STS: variants seen among roughly 807,000 people sequenced by gnomAD.
STS encodes steryl-sulfatase.
STS carries 7 observed loss-of-function variants against 26.8 expected under a neutral mutation model. That is an observed-to-expected ratio of 0.26 (90% confidence interval 0.15 to 0.49). STS has a LOEUF of 0.49. Among genes scored for constraint, STS ranks in the 20% least tolerant of loss-of-function variants. STS has a pLI of 0.98. For missense variants in STS, 434 were observed against 465.6 expected, an observed-to-expected ratio of 0.93 and a Z score of 0.63; for synonymous variants, 199 against 189.4, an observed-to-expected ratio of 1.05 and a Z score of -0.42.
chrX:7,193,197 C>T (rs952625705), intron 2 of STS, among the ~76,000 whole-genome samples: 9 of 112,299 alleles, frequency 8.0e-5, no homozygotes, highest in East Asian at 2.8e-4. Flanking sequence ...ATTCATTTTC[C>T]ATTGTGATTT....
chrX:7,259,776 G>A lies in STS; in HGVS notation c.806+4G>A. 1 of 1,209,289 alleles carries A rather than the reference G, an allele frequency of 8.3e-7. No homozygotes were observed. Among genetic ancestry groups the A allele is most frequent in the Non-Finnish European group, 1.1e-6 (1 of 895,018 alleles). ...AGGCGGCCCAGTTCATACAGCGGTG[G>A]GTATTGCCTTGTCCTCTGATGCTGC... On this transcript the variant is annotated splice_donor_region_variant and intron_variant, in intron 6 of 10. Transcript: ENST00000674429.
chrX:7,275,520 C>G (rs181514422), intron 6 of STS, among the ~76,000 whole-genome samples: 1 of 111,489 alleles, frequency 9.0e-6, no homozygotes, highest in East Asian at 2.8e-4. Context: ...GTAGTCTTCT[C>G]TAGCAGTGTG....
At chrX:7,282,304 A>T (rs994674829) in intron 7 of STS, among the ~76,000 whole-genome samples, 1 of 111,906 alleles carries the variant, frequency 8.9e-6, no homozygotes, top group Non-Finnish European at 1.9e-5. Flanking sequence ...GGGCTCAAGC[A>T]ATCCTTCCAC....
intron 2 of STS, among the ~76,000 whole-genome samples, chrX:7,219,873 G>A (rs1459285283): frequency 4.4e-5 from 5 of 112,518 alleles, no homozygotes; most frequent in Non-Finnish European, 9.4e-5. Flanking sequence ...GAGGCTTAGC[G>A]AGGGAACATT....
At chrX:7,215,142 T>C (rs1000291457) in intron 2 of STS, among the ~76,000 whole-genome samples, 74 of 100,597 alleles carry the variant, frequency 7.4e-4, no homozygotes, top group African/African-American at 1.9e-3. Context: ...CACACACATA[T>C]ATATATATAT....
intron 8 of STS, among the ~76,000 whole-genome samples, chrX:7,307,353 G>A (rs751856233): frequency 1.8e-5 from 2 of 111,069 alleles, no homozygotes; most frequent in South Asian, 3.9e-4. Context: ...TGGTATTACC[G>A]GGCTGAACTG....
At chrX:7,325,986 G>A (rs1425716691) in intron 9 of STS, among the ~76,000 whole-genome samples, 1 of 112,057 alleles carries the variant, frequency 8.9e-6, no homozygotes, top group Admixed American at 9.5e-5. Context: ...ACACAGAAAG[G>A]CAGGGGGAAA....
chrX:7,344,232 G>C (rs1295568015), intron 10 of STS, among the ~76,000 whole-genome samples: 1 of 111,819 alleles, frequency 8.9e-6, no homozygotes, highest in African/African-American at 3.3e-5. Flanking sequence ...AACAGAGCTT[G>C]TCAACCTGGG....
intron 9 of STS, among the ~76,000 whole-genome samples, chrX:7,329,852 T>G (rs1339542665): frequency 8.9e-6 from 1 of 112,127 alleles, no homozygotes; most frequent in African/African-American, 3.2e-5. Flanking sequence ...CCAAGGTTTC[T>G]ACTTAAGCCA....
intron 7 of STS, among the ~76,000 whole-genome samples, chrX:7,291,931 C>G (rs1348168361): frequency 8.9e-6 from 1 of 112,090 alleles, no homozygotes; most frequent in African/African-American, 3.2e-5. Flanking sequence ...TTCTTGTCTG[C>G]CAAGTTTCAT....
At chrX:7,154,973 G>A (rs867965424) in intron 1 of STS, among the ~76,000 whole-genome samples, 22 of 112,017 alleles carry the variant, frequency 2.0e-4, no homozygotes, top group Middle Eastern at 4.7e-3. Context: ...TATTTTACTT[G>A]CACCCAACTC....
intron 6 of STS, 39 bp from the exon 7 acceptor site, chrX:7,275,912 G>C (rs764600268): frequency 2.6e-6 from 3 of 1,149,295 alleles, no homozygotes; most frequent in East Asian, 6.5e-5. Flanking sequence ...CATTATCTGT[G>C]GTCTTTTTTT....
At chrX:7,206,137 A>G (rs1352614712) in intron 2 of STS, among the ~76,000 whole-genome samples, 2 of 111,775 alleles carry the variant, frequency 1.8e-5, no homozygotes, top group African/African-American at 6.5e-5. Flanking sequence ...AGGCCTGTTC[A>G]ATACTGAGAT....
chrX:7,197,439 G>A (rs1423354361), intron 2 of STS, among the ~76,000 whole-genome samples: 5 of 110,861 alleles, frequency 4.5e-5, no homozygotes, highest in African/African-American at 1.6e-4. Context: ...GTAAAGTGGT[G>A]AAAGTACAGC....
intron 2 of STS, among the ~76,000 whole-genome samples, chrX:7,222,599 A>G (rs1426920051): frequency 2.7e-5 from 3 of 109,494 alleles, no homozygotes; most frequent in Non-Finnish European, 5.7e-5. Context: ...AACTATCATC[A>G]TTAAGTTTTT....
intron 7 of STS, among the ~76,000 whole-genome samples, chrX:7,280,312 G>C (rs1265085043): frequency 3.6e-5 from 4 of 111,785 alleles, no homozygotes; most frequent in African/African-American, 1.3e-4. Context: ...GGAATGTCAT[G>C]AGGGAGGTGC....
chrX:7,341,381 C>CTCCT (rs1396989372), intron 10 of STS, among the ~76,000 whole-genome samples: 1 of 111,484 alleles, frequency 9.0e-6, no homozygotes, highest in Admixed American at 9.5e-5. Context: ...AGGTCTCATA[C>CTCCT]TCCTTCCACT....
rs763081697 is a variant in STS, at chrX:7,259,617, A to G, written c.651A>G (p.Leu217=). The part of the protein sequence containing the change: ...PLGVFFSLLF[L]AALILTLFLG... ...GCGTTTTTTTCAGCCTTCTCTTCCT[A>G]GCAGCCCTAATCCTGACCCTTTTCT... is the stretch of plus-strand genomic sequence containing the variant. The change falls in exon 6 of 11, where the codon CTA becomes CTG. Residue 217 remains leucine, a synonymous_variant. Coordinates refer to ENST00000674429, the MANE Select transcript of STS (RefSeq NM_001320752.2). The G allele has an allele frequency of 1.7e-6, 2 of 1,210,526 alleles. No homozygotes were observed. The highest frequency in any genetic ancestry group is 2.2e-6 in the Non-Finnish European group (2 of 895,190).
intron 1 of STS, among the ~76,000 whole-genome samples, chrX:7,157,608 C>T: frequency 8.9e-6 from 1 of 111,822 alleles, no homozygotes; most frequent in East Asian, 2.8e-4. Flanking sequence ...TCTGTCTTCT[C>T]AAAATTGCCA....
Sources: gnomAD v4.1 joint callset for allele counts (sites outside exome capture counted in the v4.1 genomes callset) on GRCh38, gnomAD v4.1.1 for gene constraint, MANE v1.5 for transcripts, NCBI Gene and HGNC (gene_info 2026-07-23, HGNC 2026-07-21) for gene names.